The following SUCLG2 variants were observed in gnomAD, a reference collection of about 807,000 sequenced individuals.
The protein encoded by SUCLG2 is succinate-CoA ligase GDP-forming subunit beta.
A neutral mutation model predicts 47.9 loss-of-function variants in SUCLG2; 42 were observed. The ratio of observed to expected loss-of-function variants is 0.88; its 90% CI spans 0.69 to 1.14. The LOEUF (loss-of-function observed/expected upper bound fraction) is 1.14. Among genes scored for constraint, SUCLG2 ranks in the 50% most tolerant of loss-of-function variants. The pLI is 0.00. For missense variants in SUCLG2, 571 were observed against 525.9 expected, an observed-to-expected ratio of 1.09 and a Z score of -0.84; for synonymous variants, 195 against 197.3, an observed-to-expected ratio of 0.99 and a Z score of 0.10.
intron 2 of SUCLG2, among the ~76,000 whole-genome samples, chr3:67,577,555 A>C (rs1707775482): frequency 6.6e-6 from 1 of 152,184 alleles, no homozygotes; most frequent in Admixed American, 6.5e-5. Flanking sequence ...TGCTAAATAA[A>C]AGACTTTTCA....
chr3:67,374,415 T>C (rs190132552), downstream of SUCLG2, among the ~76,000 whole-genome samples: 1 of 152,324 alleles, frequency 6.6e-6, no homozygotes, highest in African/African-American at 2.4e-5. Context: ...TGAGCCTCAC[T>C]TAATGGAATG....
intron 9 of SUCLG2, among the ~76,000 whole-genome samples, chr3:67,445,729 C>A: frequency 2.3e-5 from 1 of 43,710 alleles, no homozygotes; most frequent in Non-Finnish European, 4.6e-5. Flanking sequence ...ATATTCTGCT[C>A]AGTGTAAAAG....
intron 7 of SUCLG2, among the ~76,000 whole-genome samples, chr3:67,508,025 G>T (rs1024682629): frequency 6.6e-6 from 1 of 152,192 alleles, no homozygotes; most frequent in African/African-American, 2.4e-5. Flanking sequence ...TTTGCTGTAT[G>T]CAAGAAACAG....
In SUCLG2 at chr3:67,564,192, CA is replaced by C. The variant is rs1382798279; in HGVS notation, c.227-35007del. Among the ~76,000 whole-genome samples, 3 of 152,246 alleles carry C rather than the reference CA, an allele frequency of 2.0e-5. No individual in the cohort carries two copies. In the South Asian group the frequency reaches 6.2e-4, roughly 32 times the overall value. Reference sequence around the variant, plus strand: ...TTCCTTCTGTAAACAGAGCGGCTGCCAGCACAGGAAGTAATAGTGTCCATTT... The same window carrying C: ...TTCCTTCTGTAAACAGAGCGGCTGCCGCACAGGAAGTAATAGTGTCCATTT... On this transcript the variant is annotated intron_variant, in intron 2 of 10. Coordinates refer to ENST00000307227, the MANE Select transcript of SUCLG2 (RefSeq NM_003848.4).
At chr3:67,649,943 A>G (rs1432872928) in intron 1 of SUCLG2, among the ~76,000 whole-genome samples, 1 of 152,208 alleles carries the variant, frequency 6.6e-6, no homozygotes, top group Non-Finnish European at 1.5e-5. Flanking sequence ...GAGGGCAGGA[A>G]TGTTCTCACT....
chr3:67,426,351 G>T (rs906876332), intron 9 of SUCLG2, among the ~76,000 whole-genome samples: 2 of 152,076 alleles, frequency 1.3e-5, no homozygotes, highest in Admixed American at 1.3e-4. Flanking sequence ...AGGTGAAAAA[G>T]AAAGCTCTGA....
chr3:67,449,571 C>T (rs1704004839), intron 9 of SUCLG2, among the ~76,000 whole-genome samples: 1 of 149,102 alleles, frequency 6.7e-6, no homozygotes. Context: ...TTTTTTACCA[C>T]AACAGTGCAC....
intron 1 of SUCLG2, among the ~76,000 whole-genome samples, chr3:67,618,546 T>G (rs906946661): frequency 6.6e-6 from 1 of 152,202 alleles, no homozygotes; most frequent in African/African-American, 2.4e-5. Flanking sequence ...CTAAGGCCAC[T>G]CAGCTGATTA....
chr3:67,412,513 G>C (rs1297508605), intron 9 of SUCLG2, among the ~76,000 whole-genome samples: 2 of 152,132 alleles, frequency 1.3e-5, no homozygotes, highest in Admixed American at 6.5e-5. Flanking sequence ...AGGCTGACTA[G>C]AGAGAACGGA....
At chr3:67,487,979 AT>A (rs1046111528) in intron 9 of SUCLG2, among the ~76,000 whole-genome samples, 3 of 152,090 alleles carry the variant, frequency 2.0e-5, no homozygotes, top group African/African-American at 7.2e-5. Context: ...AGTAAATACC[AT>A]TCCGCCACTG....
In SUCLG2 at chr3:67,559,366, G is replaced by A. The variant is rs894934318; in HGVS notation, c.227-30180C>T. 3.3e-5 allele frequency among the ~76,000 whole-genome samples: 5 copies of A among 152,138 alleles called. No individual in the cohort carries two copies. In the East Asian group the frequency reaches 7.7e-4, roughly 23 times the overall value. On this transcript the variant is annotated intron_variant, in intron 2 of 10. Transcript: ENST00000307227. ...ACTCACTGTTCCGCATGGCTGGGGA[G>A]GTCTCAGGAAACTTACAATCATGGC...
At chr3:67,503,662 G>A (rs893699953) in intron 7 of SUCLG2, among the ~76,000 whole-genome samples, 5 of 152,128 alleles carry the variant, frequency 3.3e-5, no homozygotes, top group African/African-American at 9.7e-5. Context: ...TTGAACAAAG[G>A]CCATTTTTTA....
intron 2 of SUCLG2, among the ~76,000 whole-genome samples, chr3:67,539,475 G>C (rs1706641214): frequency 6.6e-6 from 1 of 152,120 alleles, no homozygotes. Context: ...ATTTTATTGA[G>C]GATTTTAGCA....
At chr3:67,423,965 G>A (rs1354680801) in intron 9 of SUCLG2, among the ~76,000 whole-genome samples, 2 of 152,158 alleles carry the variant, frequency 1.3e-5, no homozygotes, top group Non-Finnish European at 2.9e-5. Flanking sequence ...TCCACTTCAT[G>A]AAGTCTCTAA....
intron 6 of SUCLG2, among the ~76,000 whole-genome samples, chr3:67,517,087 T>C (rs1705964690): frequency 6.6e-6 from 1 of 152,198 alleles, no homozygotes; most frequent in South Asian, 2.1e-4. Context: ...CATCGAATCC[T>C]GGCCCTTTCT....
At chr3:67,585,634 T>TC (rs2107266308) in intron 2 of SUCLG2, among the ~76,000 whole-genome samples, 1 of 152,182 alleles carries the variant, frequency 6.6e-6, no homozygotes, top group African/African-American at 2.4e-5. Context: ...CTGATGCTTC[T>TC]CCCAGCTACC....
chr3:67,416,141 G>A (rs9833837), intron 9 of SUCLG2, among the ~76,000 whole-genome samples: 11,717 of 152,254 alleles, frequency 0.077, 507 homozygotes, highest in East Asian at 0.11. Context: ...AGCCTCATGA[G>A]AGACCCTGAG....
At chr3:67,495,341 G>A (rs1314651804) in intron 9 of SUCLG2, among the ~76,000 whole-genome samples, 3 of 152,062 alleles carry the variant, frequency 2.0e-5, no homozygotes, top group East Asian at 3.8e-4. Context: ...AAATCATCAC[G>A]TATTCCAATG....
chr3:67,456,220 A>T (rs1243504491), intron 9 of SUCLG2, among the ~76,000 whole-genome samples: 1 of 152,176 alleles, frequency 6.6e-6, no homozygotes, highest in East Asian at 1.9e-4. Flanking sequence ...GAATATCTTA[A>T]ATTATACTGC....
Sources: allele counts gnomAD v4.1 joint callset (sites outside exome capture counted in the v4.1 genomes callset), GRCh38; gene constraint gnomAD v4.1.1; transcripts MANE v1.5; gene names NCBI Gene and HGNC (gene_info 2026-07-23, HGNC 2026-07-21).